PPP2R2B: variants seen among roughly 807,000 people sequenced by gnomAD.
PPP2R2B encodes the protein serine/threonine-protein phosphatase 2A 55 kDa regulatory subunit B beta isoform.
PPP2R2B carries 5 observed loss-of-function variants against 46.0 expected under a neutral mutation model. The ratio of observed to expected loss-of-function variants is 0.11; its 90% confidence interval spans 0.06 to 0.23. PPP2R2B has a LOEUF of 0.23. PPP2R2B is among the 10% of genes least tolerant of loss of function. The pLI is 1.00. For synonymous variants in PPP2R2B, 215 were observed against 206.7 expected, an observed-to-expected ratio of 1.04 and a Z score of -0.34; for missense variants, 367 against 575.0, an observed-to-expected ratio of 0.64 and a Z score of 3.70.
intron 7 of PPP2R2B, among the ~76,000 whole-genome samples, chr5:146,623,775 T>C (rs1773860274): frequency 6.6e-6 from 1 of 152,142 alleles, no homozygotes; most frequent in Admixed American, 6.5e-5. Context: ...CTGTCTCCAG[T>C]CTGTGCTTGA....
chr5:147,003,738 C>A (rs2151871305), intron 1 of PPP2R2B, among the ~76,000 whole-genome samples: 1 of 152,116 alleles, frequency 6.6e-6, no homozygotes, highest in Middle Eastern at 3.4e-3. Context: ...GACCTGTGTT[C>A]TAGAAGGACT....
chr5:146,912,777 G>T (rs1003555338), intron 1 of PPP2R2B, among the ~76,000 whole-genome samples: 2 of 152,062 alleles, frequency 1.3e-5, no homozygotes, highest in Non-Finnish European at 2.9e-5. Flanking sequence ...AAAGTGCTGG[G>T]ATTACAGACG....
At chr5:146,641,112 C>G (rs1422235712) in intron 6 of PPP2R2B, among the ~76,000 whole-genome samples, 3 of 152,164 alleles carry the variant, frequency 2.0e-5, no homozygotes, top group Admixed American at 1.3e-4. Flanking sequence ...AGGGGCCAGG[C>G]CTGCCCTGTG....
At chr5:146,590,398 G>GTTTTTTTTTTTT (rs1221281341) in intron 9 of PPP2R2B, among the ~76,000 whole-genome samples, 172 bp from the exon 10 acceptor site, 3 of 113,418 alleles carry the variant, frequency 2.6e-5, no homozygotes, top group African/African-American at 3.3e-5. Context: ...TTTTTTTTGT[G>GTTTTTTTTTTTT]TTTTTTTTTT....
intron 2 of PPP2R2B, among the ~76,000 whole-genome samples, chr5:146,717,726 C>T (rs1008495264): frequency 3.9e-5 from 6 of 152,104 alleles, no homozygotes; most frequent in East Asian, 3.9e-4. Flanking sequence ...TTTCCTCCCT[C>T]GCAAACTATC....
chr5:146,959,285 T>C (rs1047118004), intron 1 of PPP2R2B, among the ~76,000 whole-genome samples: 6 of 152,120 alleles, frequency 3.9e-5, no homozygotes, highest in Admixed American at 6.6e-5. Context: ...TAATGACCGA[T>C]GTGTGTTTAC....
intron 1 of PPP2R2B, among the ~76,000 whole-genome samples, chr5:146,977,830 A>G (rs1468379480): frequency 6.6e-6 from 1 of 152,196 alleles, no homozygotes; most frequent in Admixed American, 6.5e-5. Context: ...GTGCTGCAAT[A>G]AACATACACG....
intron 2 of PPP2R2B, among the ~76,000 whole-genome samples, chr5:147,074,808 T>C (rs971921660): frequency 6.6e-6 from 1 of 152,182 alleles, no homozygotes; most frequent in African/African-American, 2.4e-5. Flanking sequence ...AAATTGATGT[T>C]TTTCTCTCAT....
At chr5:146,715,473 A>C (rs1253988771) in intron 2 of PPP2R2B, among the ~76,000 whole-genome samples, 1 of 152,020 alleles carries the variant, frequency 6.6e-6, no homozygotes, top group African/African-American at 2.4e-5. Flanking sequence ...ACGGCGTTCG[A>C]CCCTCTATAT....
chr5:146,711,654 C>A (rs1215510205), intron 2 of PPP2R2B, among the ~76,000 whole-genome samples: 1 of 152,092 alleles, frequency 6.6e-6, no homozygotes, highest in Non-Finnish European at 1.5e-5. Context: ...AGTGGATGAG[C>A]AAATACATCT....
intron 7 of PPP2R2B, among the ~76,000 whole-genome samples, chr5:146,621,421 AT>A (rs1773690261): frequency 6.6e-6 from 1 of 152,180 alleles, no homozygotes; most frequent in Non-Finnish European, 1.5e-5. Context: ...ATATAGCATC[AT>A]TTTTCCTCCA....
intron 2 of PPP2R2B, among the ~76,000 whole-genome samples, chr5:147,075,007 G>A (rs1283831345): frequency 6.6e-6 from 1 of 152,126 alleles, no homozygotes; most frequent in Admixed American, 6.5e-5. Context: ...AACAAACAAA[G>A]CACCCTAGAA....
chr5:146,827,425 G>T (rs896704535), intron 2 of PPP2R2B, among the ~76,000 whole-genome samples: 2 of 132,510 alleles, frequency 1.5e-5, no homozygotes, highest in African/African-American at 6.0e-5. Flanking sequence ...AGAGCACCCA[G>T]AACACATCGG....
chr5:147,073,808 C>G (rs968148201), intron 2 of PPP2R2B, among the ~76,000 whole-genome samples: 1 of 152,104 alleles, frequency 6.6e-6, no homozygotes, highest in Admixed American at 6.6e-5. Context: ...GAGGCCGAGG[C>G]AGGCAGATCA....
At chr5:146,836,850 G>T (rs946152931) in intron 2 of PPP2R2B, among the ~76,000 whole-genome samples, 5 of 152,134 alleles carry the variant, frequency 3.3e-5, no homozygotes, top group Non-Finnish European at 5.9e-5. Flanking sequence ...TGCAGCCATG[G>T]AACTTGCCTT....
At chr5:146,783,994 A>G (rs912290016) in intron 2 of PPP2R2B, among the ~76,000 whole-genome samples, 16 of 152,158 alleles carry the variant, frequency 1.1e-4, no homozygotes, top group African/African-American at 3.9e-4. Flanking sequence ...TCCCAGACCT[A>G]CAAAACTTGG....
chr5:146,982,703 T>C (rs1039585462), intron 1 of PPP2R2B, among the ~76,000 whole-genome samples: 1 of 152,216 alleles, frequency 6.6e-6, no homozygotes, highest in African/African-American at 2.4e-5. Context: ...CCTAACATAT[T>C]TTGCAGCTCT....
intron 2 of PPP2R2B, among the ~76,000 whole-genome samples, chr5:146,712,076 T>A (rs1780241645): frequency 6.6e-6 from 1 of 152,204 alleles, no homozygotes; most frequent in Non-Finnish European, 1.5e-5. Context: ...TTTGATTTTT[T>A]CCTCCTAAAA....
chr5:146,984,297 A>G (rs975486284), intron 1 of PPP2R2B, among the ~76,000 whole-genome samples: 15 of 152,102 alleles, frequency 9.9e-5, no homozygotes, highest in Non-Finnish European at 2.2e-4. Context: ...CTCTGCTTCT[A>G]TGGGTTTGAT....
Sources: allele counts gnomAD v4.1 joint callset (sites outside exome capture counted in the v4.1 genomes callset), GRCh38; gene constraint gnomAD v4.1.1; transcripts MANE v1.5; gene names NCBI Gene and HGNC (gene_info 2026-07-23, HGNC 2026-07-21).